Variants in AKR1E2 observed in about 807,000 individuals in gnomAD.
AKR1E2 encodes the protein 1,5-anhydro-D-fructose reductase.
AKR1E2 carries 43 observed loss-of-function variants against 41.9 expected under a neutral mutation model. The observed-to-expected ratio is 1.03, with a 90% confidence interval of 0.80 to 1.32. The LOEUF is 1.32. Among genes scored for constraint, AKR1E2 ranks in the 40% most tolerant of loss-of-function variants. AKR1E2 has a pLI of 0.00. For missense variants in AKR1E2, 423 were observed against 396.5 expected (o/e 1.07, Z -0.57); for synonymous variants, 121 against 138.9 (o/e 0.87, Z 0.91).
intron 8 of AKR1E2, chr10:4,845,972 G>A (rs1412271958): frequency 1.2e-5 from 5 of 427,192 alleles, no homozygotes; most frequent in Non-Finnish European, 2.4e-5. Flanking sequence ...CACCAGGGAG[G>A]AGAAAGGCAT....
intron 9 of AKR1E2, 59 bp from the exon 10 acceptor site, chr10:4,847,429 T>A: frequency 6.3e-7 from 1 of 1,592,262 alleles, no homozygotes; most frequent in South Asian, 1.1e-5. Flanking sequence ...TTTAAAATGT[T>A]TCTCTTAAAA....
downstream of AKR1E2, among the ~76,000 whole-genome samples, chr10:4,852,656 A>G (rs1436974749): frequency 6.6e-6 from 1 of 152,172 alleles, no homozygotes; most frequent in Non-Finnish European, 1.5e-5. Flanking sequence ...AGGTTAGGAC[A>G]GTTTGCAAGC....
intron 5 of AKR1E2, among the ~76,000 whole-genome samples, 192 bp from the exon 6 acceptor site, chr10:4,839,537 C>T (rs1398306005): frequency 3.3e-5 from 5 of 152,204 alleles, no homozygotes; most frequent in Non-Finnish European, 1.5e-5. Context: ...GCCGTGGACT[C>T]AGAGACCATG....
intron 3 of AKR1E2, among the ~76,000 whole-genome samples, chr10:4,834,447 G>A (rs146293336): frequency 4.6e-5 from 7 of 152,212 alleles, no homozygotes; most frequent in African/African-American, 1.2e-4. Flanking sequence ...TCTGTGCCTT[G>A]AAATTCATTG....
downstream of AKR1E2, among the ~76,000 whole-genome samples, chr10:4,852,864 C>T (rs1834553828): frequency 6.6e-6 from 1 of 152,096 alleles, no homozygotes; most frequent in Non-Finnish European, 1.5e-5. Flanking sequence ...TCTTCTGAGG[C>T]CTCTCTCCAG....
chr10:4,833,258 G>T, intron 2 of AKR1E2, 92 bp from the exon 3 acceptor site: 1 of 950,648 alleles, frequency 1.1e-6, no homozygotes. Context: ...TGGCTATTTT[G>T]GGTTCAAGAC....
chr10:4,850,971 A>G (rs564244896), downstream of AKR1E2, among the ~76,000 whole-genome samples: 3 of 152,326 alleles, frequency 2.0e-5, no homozygotes, highest in East Asian at 1.9e-4. Context: ...GTCTAAAACA[A>G]TGCTTCAAGC....
chr10:4,853,875 G>A, the AKR1E2 span, among the ~76,000 whole-genome samples: 6 of 152,276 alleles, frequency 3.9e-5, no homozygotes, highest in South Asian at 6.2e-4. Context: ...CCAAGATGGC[G>A]ATGAGAGTGA....
chr10:4,864,295 G>C, the AKR1E2 span, among the ~76,000 whole-genome samples: 1 of 152,166 alleles, frequency 6.6e-6, no homozygotes, highest in Non-Finnish European at 1.5e-5. Context: ...GGGATGCAAG[G>C]CTGGTTCAAC....
At chr10:4,841,995 G>A (rs558286832) in intron 7 of AKR1E2, 138 bp downstream of exon 7, 39 of 691,972 alleles carry the variant, frequency 5.6e-5, no homozygotes, top group Middle Eastern at 4.1e-4. Flanking sequence ...ACCTCCCAGC[G>A]TCAAGCAGAA....
intron 8 of AKR1E2, among the ~76,000 whole-genome samples, chr10:4,846,457 A>G (rs1834343714): frequency 6.6e-6 from 1 of 152,136 alleles, no homozygotes; most frequent in South Asian, 2.1e-4. Flanking sequence ...TCCCAGGGCC[A>G]AGTGGGTCCC....
chr10:4,833,884 T>C (rs1292217805), intron 3 of AKR1E2, among the ~76,000 whole-genome samples: 1 of 152,212 alleles, frequency 6.6e-6, no homozygotes, highest in East Asian at 1.9e-4. Flanking sequence ...ATGGGAGATA[T>C]TTGCTTGTTC....
At chr10:4,867,640 G>A in the AKR1E2 span, among the ~76,000 whole-genome samples, 3 of 152,206 alleles carry the variant, frequency 2.0e-5, no homozygotes, top group African/African-American at 7.2e-5. Flanking sequence ...TTTCATTGCT[G>A]AGTAGGATTG....
chr10:4,847,066 G>C (rs892327930), intron 8 of AKR1E2, 82 bp from the exon 9 acceptor site: 3 of 1,483,806 alleles, frequency 2.0e-6, no homozygotes, highest in Non-Finnish European at 1.9e-6. Context: ...TGCAGGTCTA[G>C]CACTGTGCTA....
chr10:4,839,769 G>C lies in AKR1E2; in HGVS notation c.623G>C (p.Ser208Thr), dbSNP rs1007579282. 3.7e-6 allele frequency: 6 copies of C among 1,613,912 alleles called. No individual in the cohort carries two copies. The African/African-American group carries it at 8.0e-5, about 22-fold the overall frequency. ...TATCTTACTCAGAAGAATCTGATCA[G>C]TTTTTGCCAATCCAGAGATGTGTCC... ...HPYLTQKNLI[S>T]FCQSRDVSVT... The change falls in exon 6 of 10, where the codon AGT (serine) becomes ACT (threonine). Residue 208 changes from serine to threonine, a missense_variant. By Grantham distance (58) the Ser-to-Thr change is moderately conservative. Coordinates refer to ENST00000298375, the MANE Select transcript of AKR1E2 (RefSeq NM_001040177.3).
the AKR1E2 span, among the ~76,000 whole-genome samples, chr10:4,857,404 C>CA: frequency 2.4e-4 from 35 of 147,552 alleles, no homozygotes; most frequent in African/African-American, 8.5e-4. Flanking sequence ...TAGTACCCCC[C>CA]ACACACACAT....
At chr10:4,868,882 G>A in the AKR1E2 span, among the ~76,000 whole-genome samples, 2 of 152,042 alleles carry the variant, frequency 1.3e-5, no homozygotes, top group Non-Finnish European at 2.9e-5. Flanking sequence ...CTTGATATAA[G>A]CTATACTTGG....
intron 2 of AKR1E2, among the ~76,000 whole-genome samples, chr10:4,831,572 A>C (rs1053487015): frequency 5.3e-5 from 8 of 152,112 alleles, no homozygotes; most frequent in African/African-American, 7.2e-5. Context: ...CATAGGAAAA[A>C]CTTGCCCCCA....
At chr10:4,856,456 C>A in the AKR1E2 span, among the ~76,000 whole-genome samples, 1 of 152,182 alleles carries the variant, frequency 6.6e-6, no homozygotes, top group Non-Finnish European at 1.5e-5. Flanking sequence ...TTATAAGAAT[C>A]TTACCTTATG....
Sources: allele counts gnomAD v4.1 joint callset (sites outside exome capture counted in the v4.1 genomes callset), GRCh38; gene constraint gnomAD v4.1.1; transcripts MANE v1.5; gene names NCBI Gene and HGNC (gene_info 2026-07-23, HGNC 2026-07-21).